Variants in FLI1 observed in about 807,000 individuals in gnomAD.
FLI1 encodes the protein Fli-1 proto-oncogene, ETS transcription factor.
In FLI1, 13 loss-of-function variants were observed where a neutral mutation model predicts 53.1. That is an observed-to-expected ratio of 0.24 (90% confidence interval 0.16 to 0.39). FLI1 has a LOEUF of 0.39. FLI1 is among the 10% of genes least tolerant of loss of function. The pLI is 1.00. For synonymous variants in FLI1, 244 were observed against 236.7 expected (o/e 1.03, Z -0.28); for missense variants, 424 against 600.5 (o/e 0.71, Z 3.07).
chr11:128,730,647 T>C (rs147260627), intron 1 of FLI1, among the ~76,000 whole-genome samples: 7 of 152,124 alleles, frequency 4.6e-5, no homozygotes, highest in Non-Finnish European at 8.8e-5. Flanking sequence ...CTTTTGTCTC[T>C]GCCTCTTGGG....
intron 1 of FLI1, among the ~76,000 whole-genome samples, chr11:128,728,363 CT>C (rs1478238809): frequency 6.6e-6 from 1 of 152,264 alleles, no homozygotes; most frequent in Non-Finnish European, 1.5e-5. Context: ...TAGTAATCAC[CT>C]GTGTGTCCCT....
At chr11:128,720,194 T>G (rs961132320) in intron 1 of FLI1, among the ~76,000 whole-genome samples, 2 of 152,204 alleles carry the variant, frequency 1.3e-5, no homozygotes, top group African/African-American at 4.8e-5. Flanking sequence ...TTATTCTCTT[T>G]ATATTAAATT....
chr11:128,801,284 G>T (rs529274863), intron 5 of FLI1, among the ~76,000 whole-genome samples: 1 of 152,206 alleles, frequency 6.6e-6, no homozygotes, highest in Non-Finnish European at 1.5e-5. Flanking sequence ...CTGCAAGGGG[G>T]TTTGTGTGGG....
At position 128,810,450 on chromosome 11, in the gene FLI1, G is replaced by T. The variant is rs761861647; in HGVS notation, c.830-9G>T. On this transcript the variant is annotated splice_polypyrimidine_tract_variant and intron_variant, in intron 8 of 8. Transcript: ENST00000527786. This position sits in a 1 kb window ranked among gnomAD's most constrained non-coding sequence, Gnocchi z 6.6. ...TTCTGTTCTCTCCCGTTTGCCTCAC[G>T]GCGTGCAGGAAGCGGGCAGATCCAG... 2 of 1,584,096 alleles carry T rather than the reference G, an allele frequency of 1.3e-6. No individual in the cohort carries two copies. The highest frequency in any genetic ancestry group is 1.2e-5 in the South Asian group (1 of 86,830).
intron 1 of FLI1, among the ~76,000 whole-genome samples, chr11:128,737,197 A>G (rs1939947782): frequency 6.6e-6 from 1 of 152,186 alleles, no homozygotes; most frequent in Admixed American, 6.5e-5. Flanking sequence ...AGCAGGACAC[A>G]GTAGGGGAGG....
intron 4 of FLI1, among the ~76,000 whole-genome samples, chr11:128,775,614 C>A (rs992890525): frequency 6.6e-6 from 1 of 152,238 alleles, no homozygotes; most frequent in Non-Finnish European, 1.5e-5. Context: ...TCCCCCGTGA[C>A]AACCAGCACT....
intron 3 of FLI1, among the ~76,000 whole-genome samples, chr11:128,771,403 A>G (rs1175643224): frequency 6.6e-6 from 1 of 152,234 alleles, no homozygotes; most frequent in Non-Finnish European, 1.5e-5. Flanking sequence ...ATTCTCACAC[A>G]TAAAAACCAA....
intron 2 of FLI1, among the ~76,000 whole-genome samples, chr11:128,758,849 A>G (rs866214576): frequency 1.3e-5 from 2 of 152,182 alleles, no homozygotes; most frequent in Admixed American, 6.5e-5. Context: ...AGTGGGTACA[A>G]TACTGGGTCA....
intron 1 of FLI1, chr11:128,748,365 C>T (rs774217598): frequency 2.9e-5 from 17 of 578,484 alleles, no homozygotes; most frequent in Non-Finnish European, 3.7e-5. Context: ...AGCCGGGGTC[C>T]AGGCACGGTG....
At chr11:128,791,287 C>G (rs1942262102) in intron 5 of FLI1, among the ~76,000 whole-genome samples, 2 of 152,152 alleles carry the variant, frequency 1.3e-5, no homozygotes, top group Non-Finnish European at 2.9e-5. Context: ...TTCAACCACA[C>G]TTTGGAATAA....
At chr11:128,739,379 G>C (rs1209152744) in intron 1 of FLI1, among the ~76,000 whole-genome samples, 1 of 152,142 alleles carries the variant, frequency 6.6e-6, no homozygotes, top group Non-Finnish European at 1.5e-5. Context: ...GGTAGAGAGG[G>C]AAAGGGAAAG....
intron 2 of FLI1, among the ~76,000 whole-genome samples, chr11:128,765,782 G>A (rs972592041): frequency 5.9e-5 from 9 of 152,144 alleles, no homozygotes; most frequent in African/African-American, 2.2e-4. Context: ...GTGTGTGTAT[G>A]CACGCGTGTG....
At chr11:128,796,987 A>G (rs1017375890) in intron 5 of FLI1, among the ~76,000 whole-genome samples, 1 of 152,198 alleles carries the variant, frequency 6.6e-6, no homozygotes, top group Non-Finnish European at 1.5e-5. Context: ...AAACAAAACA[A>G]ACAAACAAAC....
Position 128,811,396 on chromosome 11 carries a change from C to G in FLI1, c.*408C>G. 1 of 254,432 alleles carries G rather than the reference C, an allele frequency of 3.9e-6. No homozygotes were observed. The highest frequency in any genetic ancestry group is 7.5e-6 in the Non-Finnish European group (1 of 132,770). The allele number at this position is 254,432 out of a possible 1,614,324, so 15.8% of individuals were successfully genotyped here. ...AATCATGGACTTAACCCGTCATGTTCTGGTTTGAGATTTAGTGACAAATAG... is the reference window on the plus strand; with the variant it reads ...AATCATGGACTTAACCCGTCATGTTGTGGTTTGAGATTTAGTGACAAATAG... On this transcript the variant is annotated 3_prime_UTR_variant, in exon 9 of 9. Coordinates refer to ENST00000527786, the MANE Select transcript of FLI1 (RefSeq NM_002017.5).
At chr11:128,712,216 CCTT>C (rs1309304063) in intron 1 of FLI1, among the ~76,000 whole-genome samples, 1 of 152,158 alleles carries the variant, frequency 6.6e-6, no homozygotes, top group Non-Finnish European at 1.5e-5. Context: ...GGGACCTCCT[CCTT>C]CTCTCTCTTG....
intron 1 of FLI1, among the ~76,000 whole-genome samples, chr11:128,747,207 C>T (rs1418564604): frequency 6.6e-6 from 1 of 152,256 alleles, no homozygotes; most frequent in Non-Finnish European, 1.5e-5. Flanking sequence ...GTGCCCATCA[C>T]CTGCCCTTTC....
chr11:128,750,979 C>A (rs1487686301), intron 1 of FLI1, among the ~76,000 whole-genome samples: 1 of 152,198 alleles, frequency 6.6e-6, no homozygotes, highest in Admixed American at 6.5e-5. Flanking sequence ...ACAACAGATG[C>A]CTCCTCTCCT....
intron 1 of FLI1, among the ~76,000 whole-genome samples, chr11:128,702,874 A>G (rs971838064): frequency 1.3e-5 from 2 of 151,990 alleles, no homozygotes; most frequent in African/African-American, 4.8e-5. Flanking sequence ...AGAAAAAAAA[A>G]AAAAACATGG....
At chr11:128,796,079 G>A (rs1942434948) in intron 5 of FLI1, among the ~76,000 whole-genome samples, 1 of 151,076 alleles carries the variant, frequency 6.6e-6, no homozygotes, top group South Asian at 2.1e-4. Context: ...GAGAGGCAAA[G>A]CAAGGAGTTC....
Sources: gnomAD v4.1 joint callset for allele counts (sites outside exome capture counted in the v4.1 genomes callset) on GRCh38, gnomAD v4.1.1 for gene constraint, Gnocchi (gnomAD v3.1) non-coding constraint, MANE v1.5 for transcripts, NCBI Gene and HGNC (gene_info 2026-07-23, HGNC 2026-07-21) for gene names.